Variants in ARHGAP26 observed in about 807,000 individuals in gnomAD.
ARHGAP26 encodes the protein Rho GTPase activating protein 26.
A neutral mutation model predicts 104.8 loss-of-function variants in ARHGAP26; 38 were observed. The ratio of observed to expected loss-of-function variants is 0.36; its 90% confidence interval spans 0.28 to 0.48. The LOEUF (loss-of-function observed/expected upper bound fraction) is 0.48. ARHGAP26 is among the 20% of genes least tolerant of loss of function. The pLI, the probability that ARHGAP26 is intolerant of heterozygous loss-of-function variation, is 0.99. For missense variants in ARHGAP26, 704 were observed against 947.9 expected, an observed-to-expected ratio of 0.74 and a Z score of 3.38; for synonymous variants, 341 against 340.0, an observed-to-expected ratio of 1.00 and a Z score of -0.03.
At chr5:143,061,077 G>A (rs1051334045) in intron 17 of ARHGAP26, among the ~76,000 whole-genome samples, 4 of 152,114 alleles carry the variant, frequency 2.6e-5, no homozygotes, top group African/African-American at 9.7e-5. Context: ...CATGCAAAAG[G>A]CATTTTTACT....
chr5:142,941,535 A>G (rs1463733340), intron 11 of ARHGAP26, among the ~76,000 whole-genome samples: 3 of 152,094 alleles, frequency 2.0e-5, no homozygotes, highest in Admixed American at 6.5e-5. Flanking sequence ...TTTTCCTCTA[A>G]CTGAATCAAG....
intron 10 of ARHGAP26, among the ~76,000 whole-genome samples, chr5:142,928,231 GT>G (rs369377056): frequency 0.01 from 1,318 of 130,052 alleles, 14 homozygotes; most frequent in African/African-American, 0.03. Flanking sequence ...GTGTGTGTGT[GT>G]TTTTTTTTTT....
intron 20 of ARHGAP26, among the ~76,000 whole-genome samples, chr5:143,183,176 A>T (rs1387584539): frequency 6.6e-6 from 1 of 152,018 alleles, no homozygotes; most frequent in Non-Finnish European, 1.5e-5. Context: ...CTCACAAAAG[A>T]TGTATAAACA....
At chr5:143,056,912 G>A (rs888928595) in intron 16 of ARHGAP26, among the ~76,000 whole-genome samples, 5 of 152,178 alleles carry the variant, frequency 3.3e-5, no homozygotes, top group Admixed American at 6.5e-5. Flanking sequence ...AGCCAGGAGC[G>A]AAGATGGTGT....
At chr5:143,039,376 T>G (rs944993167) in intron 13 of ARHGAP26, among the ~76,000 whole-genome samples, 4 of 152,002 alleles carry the variant, frequency 2.6e-5, no homozygotes, top group African/African-American at 7.3e-5. Flanking sequence ...CCCAGCTAAT[T>G]TTTGTACTTT....
intron 1 of ARHGAP26, among the ~76,000 whole-genome samples, chr5:142,796,447 A>G (rs1357899022): frequency 6.6e-6 from 1 of 152,242 alleles, no homozygotes; most frequent in African/African-American, 2.4e-5. Context: ...TCGCTGGTTA[A>G]AAGAGATGAT....
rs567237482 is a variant in ARHGAP26 at position 143,224,242 on chromosome 5, G to A, written c.*1796G>A. The stretch of plus-strand genomic sequence containing the variant: ...GATTGCTGAAGAAGTATGTTTAAGA[G>A]GGAGAGAGGGGAGGCAAAGCTGAAG... On this transcript the variant is annotated 3_prime_UTR_variant, in exon 23 of 23. Transcript: ENST00000645722. The A allele has an allele frequency of 4.3e-6, 1 of 231,866 alleles. No individual in the cohort carries two copies. The highest frequency in any genetic ancestry group is 5.6e-5 in the Admixed American group (1 of 17,724). 14.4% of individuals were successfully genotyped at this position (231,866 alleles called of 1,614,324 possible). A position where few individuals can be genotyped will look rare whatever the true frequency, so the allele number is the denominator to read the frequency against.
At chr5:143,060,111 A>C (rs1786488013) in intron 17 of ARHGAP26, among the ~76,000 whole-genome samples, 1 of 152,232 alleles carries the variant, frequency 6.6e-6, no homozygotes. Context: ...ACTTGGGACA[A>C]GAGGTTTGTC....
intron 11 of ARHGAP26, among the ~76,000 whole-genome samples, chr5:143,005,915 G>A (rs1293717987): frequency 6.6e-6 from 1 of 152,152 alleles, no homozygotes; most frequent in East Asian, 1.9e-4. Context: ...GCCTCTGATT[G>A]TGTAGGGGAA....
rs1371534309 is a variant in ARHGAP26, at chr5:142,871,443, G to A, written c.155-1957G>A. Among the ~76,000 whole-genome samples, 2 of 152,162 alleles carry A rather than the reference G, an allele frequency of 1.3e-5. No individual in the cohort carries two copies. Among genetic ancestry groups the A allele is most frequent in the Admixed American group, 6.5e-5 (1 of 15,278 alleles). On this transcript the variant is annotated intron_variant, in intron 1 of 22. Coordinates refer to ENST00000645722, the MANE Select transcript of ARHGAP26 (RefSeq NM_001135608.3). The surrounding 1 kb of genome is among the most constrained non-coding windows in gnomAD (Gnocchi z 4.1). Reference sequence around the variant, plus strand: ...ATGATTGAGTTTCTCTTGCTTATGGGGGAGGCACAGGATTGTCGGGTGGGT... The same window carrying A: ...ATGATTGAGTTTCTCTTGCTTATGGAGGAGGCACAGGATTGTCGGGTGGGT...
Position 142,884,779 on chromosome 5 carries a change from A to C in ARHGAP26, c.385-519A>C, listed in dbSNP as rs556084611. On this transcript the variant is annotated intron_variant, in intron 4 of 22. Transcript: ENST00000645722. ...TGTTTTGAATTATTCCTCAGCTTAA[A>C]GACCTGCATGTGATATTAAGTGTCA... 2.3e-4 allele frequency among the ~76,000 whole-genome samples: 35 copies of C among 152,358 alleles called. No homozygotes were observed. The South Asian group carries it at 7.3e-3, about 32-fold the overall frequency.
intron 4 of ARHGAP26, among the ~76,000 whole-genome samples, chr5:142,881,037 A>C (rs931137986): frequency 1.3e-5 from 2 of 152,256 alleles, no homozygotes; most frequent in African/African-American, 4.8e-5. Context: ...CTAAGAATTC[A>C]TACAGACTGT....
intron 11 of ARHGAP26, among the ~76,000 whole-genome samples, chr5:142,959,639 A>G (rs1769873153): frequency 6.6e-6 from 1 of 152,214 alleles, no homozygotes; most frequent in Non-Finnish European, 1.5e-5. Flanking sequence ...TATGCTTCAC[A>G]TCACTCTGAC....
In ARHGAP26 at chr5:142,897,330, TA is replaced by T. The variant is rs1362480943; in HGVS notation, c.597+2985del. Among the ~76,000 whole-genome samples, 3 of 152,240 alleles carry T rather than the reference TA, an allele frequency of 2.0e-5. No homozygotes were observed. The East Asian group carries it at 5.8e-4, about 29-fold the overall frequency. ...ATAGTAATAGGGATTTGCCCAAAGTTAAACTAAATGCTGAGAGGCTGGATAT... is the reference window on the plus strand; with the variant it reads ...ATAGTAATAGGGATTTGCCCAAAGTTAACTAAATGCTGAGAGGCTGGATAT... On this transcript the variant is annotated intron_variant, in intron 6 of 22. Coordinates refer to ENST00000645722, the MANE Select transcript of ARHGAP26 (RefSeq NM_001135608.3).
At chr5:142,843,429 T>C (rs1771216798) in intron 1 of ARHGAP26, among the ~76,000 whole-genome samples, 1 of 152,262 alleles carries the variant, frequency 6.6e-6, no homozygotes, top group Non-Finnish European at 1.5e-5. Context: ...TAAGGCATGC[T>C]GTTTCACTAG....
chr5:142,873,504 T>C lies in ARHGAP26; in HGVS notation c.250+9T>C. On this transcript the variant is annotated intron_variant, in intron 2 of 22. Coordinates refer to ENST00000645722, the MANE Select transcript of ARHGAP26 (RefSeq NM_001135608.3). ...TGATGAGATGTGTATAGGTAAGTCA[T>C]AACTGTGCAGAAGATAAAAATGTTC... The C allele has an allele frequency of 6.5e-7, 1 of 1,532,688 alleles. No homozygotes were observed. Among genetic ancestry groups the C allele is most frequent in the South Asian group, 1.3e-5 (1 of 79,176 alleles). 94.9% of individuals were successfully genotyped at this position (1,532,688 alleles called of 1,614,324 possible). A position where few individuals can be genotyped will look rare whatever the true frequency, so the allele number is the denominator to read the frequency against.
chr5:143,046,303 C>CA (rs1169477602), intron 14 of ARHGAP26, among the ~76,000 whole-genome samples: 95 of 149,542 alleles, frequency 6.4e-4, no homozygotes, highest in Admixed American at 5.8e-3. Context: ...GACTCAGTCT[C>CA]AAAAAAAAAG....
intron 11 of ARHGAP26, among the ~76,000 whole-genome samples, chr5:142,940,532 T>C (rs1278654749): frequency 6.6e-6 from 1 of 152,174 alleles, no homozygotes; most frequent in African/African-American, 2.4e-5. Flanking sequence ...CTCCCACTTA[T>C]AAGTGAGAAT....
intron 12 of ARHGAP26, among the ~76,000 whole-genome samples, chr5:143,022,245 T>A (rs1415581159): frequency 6.6e-6 from 1 of 152,028 alleles, no homozygotes; most frequent in Admixed American, 6.5e-5. Flanking sequence ...CTAATTTTTT[T>A]TATTTTTAGT....
Sources: gnomAD v4.1 joint callset for allele counts (sites outside exome capture counted in the v4.1 genomes callset) on GRCh38, gnomAD v4.1.1 for gene constraint, Gnocchi (gnomAD v3.1) non-coding constraint, MANE v1.5 for transcripts, NCBI Gene and HGNC (gene_info 2026-07-23, HGNC 2026-07-21) for gene names.